Variants in CTIF observed in about 807,000 individuals in gnomAD.
CTIF encodes the protein CBP80/20-dependent translation initiation factor.
In CTIF, 21 loss-of-function variants were observed where a neutral mutation model predicts 66.0. The ratio of observed to expected loss-of-function variants is 0.32; its 90% CI spans 0.23 to 0.46. CTIF has a LOEUF of 0.46. CTIF is among the 20% of genes least tolerant of loss of function. The pLI is 1.00. For missense variants in CTIF, 739 were observed against 812.7 expected (o/e 0.91, Z 1.10); for synonymous variants, 345 against 326.4 (o/e 1.06, Z -0.62).
intron 9 of CTIF, among the ~76,000 whole-genome samples, chr18:48,779,376 G>A (rs189836524): frequency 5.3e-5 from 8 of 152,182 alleles, no homozygotes; most frequent in African/African-American, 1.7e-4. Context: ...GTCAAGTCAC[G>A]CAGCTGGTCA....
intron 1 of CTIF, among the ~76,000 whole-genome samples, chr18:48,594,782 G>C (rs1307104496): frequency 6.6e-6 from 1 of 152,240 alleles, no homozygotes; most frequent in Non-Finnish European, 1.5e-5. Flanking sequence ...GAGAAGACTA[G>C]AACTATCCAA....
chr18:48,637,191 A>T (rs1400666095), intron 3 of CTIF, among the ~76,000 whole-genome samples: 2 of 152,090 alleles, frequency 1.3e-5, no homozygotes, highest in African/African-American at 2.4e-5. Flanking sequence ...CCCCCAGCCA[A>T]CCAACAGTCC....
chr18:48,548,509 T>C (rs892667843), intron 1 of CTIF, among the ~76,000 whole-genome samples: 28 of 152,212 alleles, frequency 1.8e-4, no homozygotes, highest in Non-Finnish European at 3.5e-4. Context: ...TCCATCTCCT[T>C]GATGCTTGGC....
chr18:48,805,531 A>G (rs536692655), intron 9 of CTIF, among the ~76,000 whole-genome samples: 1 of 152,102 alleles, frequency 6.6e-6, no homozygotes, highest in South Asian at 2.1e-4. Flanking sequence ...CTGTGACCCC[A>G]CCACACCACC....
intron 1 of CTIF, among the ~76,000 whole-genome samples, chr18:48,593,447 C>A (rs11663925): frequency 0.2 from 29,819 of 149,876 alleles, 2,991 homozygotes; most frequent in South Asian, 0.24. Context: ...GTGGCGCGAT[C>A]TCGGCTCACT....
intron 6 of CTIF, among the ~76,000 whole-genome samples, chr18:48,697,654 T>C (rs1330243395): frequency 6.6e-6 from 1 of 152,198 alleles, no homozygotes; most frequent in Non-Finnish European, 1.5e-5. Flanking sequence ...CCGGGTATCC[T>C]GGCCCCCAGC....
chr18:48,594,413 T>C (rs1694584849), intron 1 of CTIF, among the ~76,000 whole-genome samples: 5 of 144,908 alleles, frequency 3.5e-5, no homozygotes, highest in African/African-American at 1.3e-4. Context: ...AGCATGGATC[T>C]GTGCTCCTGA....
chr18:48,706,174 A>G (rs964646689), intron 6 of CTIF, among the ~76,000 whole-genome samples: 6 of 152,168 alleles, frequency 3.9e-5, no homozygotes, highest in Admixed American at 6.5e-5. Context: ...GTTTTGCTCC[A>G]TAGCAAAACA....
chr18:48,556,185 A>G (rs2145577967), intron 1 of CTIF, among the ~76,000 whole-genome samples: 1 of 152,304 alleles, frequency 6.6e-6, no homozygotes, highest in East Asian at 1.9e-4. Flanking sequence ...TCGTCTCAGC[A>G]GCATCTCTGC....
chr18:48,652,551 A>G (rs1048831052), intron 3 of CTIF, among the ~76,000 whole-genome samples: 2 of 152,250 alleles, frequency 1.3e-5, no homozygotes, highest in African/African-American at 4.8e-5. Context: ...ATTCTACCAG[A>G]GGTACAAAGA....
chr18:48,749,065 G>A (rs753946760), intron 7 of CTIF, among the ~76,000 whole-genome samples: 22 of 152,220 alleles, frequency 1.4e-4, no homozygotes, highest in East Asian at 5.8e-4. Context: ...ACTTTTAGGC[G>A]ACTTTCTGTC....
chr18:48,797,661 G>A (rs1402322991), intron 9 of CTIF, among the ~76,000 whole-genome samples: 2 of 151,824 alleles, frequency 1.3e-5, no homozygotes, highest in African/African-American at 2.4e-5. Context: ...ATTCTGGGGT[G>A]GGGGGATGCT....
At chr18:48,643,107 C>T (rs919475811) in intron 3 of CTIF, among the ~76,000 whole-genome samples, 4 of 152,184 alleles carry the variant, frequency 2.6e-5, no homozygotes, top group Non-Finnish European at 5.9e-5. Flanking sequence ...ACTTTTCTTT[C>T]CCTCTTCTTC....
intron 11 of CTIF, among the ~76,000 whole-genome samples, chr18:48,858,998 T>C (rs1171924581): frequency 1.3e-5 from 2 of 151,980 alleles, no homozygotes; most frequent in Non-Finnish European, 2.9e-5. Context: ...CATGGAGCCA[T>C]TTGAGGGTGC....
At chr18:48,668,873 C>T (rs1219505141) in intron 5 of CTIF, among the ~76,000 whole-genome samples, 3 of 152,106 alleles carry the variant, frequency 2.0e-5, no homozygotes, top group African/African-American at 4.8e-5. Flanking sequence ...CGCCAGACAC[C>T]GAGAGGGGCA....
intron 3 of CTIF, among the ~76,000 whole-genome samples, chr18:48,650,845 C>CA (rs140839601): frequency 2.6e-5 from 4 of 151,168 alleles, no homozygotes; most frequent in Admixed American, 6.6e-5. Flanking sequence ...AAAGAATTTT[C>CA]AAAAAAAAAA....
chr18:48,848,484 A>G (rs1301999872), intron 10 of CTIF, among the ~76,000 whole-genome samples: 1 of 152,180 alleles, frequency 6.6e-6, no homozygotes, highest in Non-Finnish European at 1.5e-5. Flanking sequence ...GCTCTCCCAC[A>G]GTAGAAGGCT....
intron 7 of CTIF, among the ~76,000 whole-genome samples, chr18:48,739,485 T>C (rs1157136696): frequency 6.6e-6 from 1 of 152,188 alleles, no homozygotes; most frequent in Non-Finnish European, 1.5e-5. Flanking sequence ...CAAACCCTGC[T>C]CTGGCCCTGG....
chr18:48,682,543 C>G (rs1353278185), intron 6 of CTIF, among the ~76,000 whole-genome samples: 1 of 152,218 alleles, frequency 6.6e-6, no homozygotes, highest in East Asian at 1.9e-4. Context: ...TACTTGCAGG[C>G]CACTGGCTTT....
Sources: gnomAD v4.1 joint callset for allele counts (sites outside exome capture counted in the v4.1 genomes callset) on GRCh38, gnomAD v4.1.1 for gene constraint, MANE v1.5 for transcripts, NCBI Gene and HGNC (gene_info 2026-07-23, HGNC 2026-07-21) for gene names.